SORCS2: variants seen among roughly 807,000 people sequenced by gnomAD.
The protein encoded by SORCS2 is sortilin related VPS10 domain containing receptor 2.
A neutral mutation model predicts 141.6 loss-of-function variants in SORCS2; 100 were observed. The observed-to-expected ratio is 0.71, with a 90% CI of 0.60 to 0.83. The LOEUF (loss-of-function observed/expected upper bound fraction) is 0.83, where lower values mean the gene tolerates loss of function less well. SORCS2 is among the 40% of genes least tolerant of loss of function. The pLI is 0.00. For synonymous variants in SORCS2, 789 were observed against 676.9 expected (o/e 1.17, Z -2.57); for missense variants, 1,646 against 1,560.2 (o/e 1.05, Z -0.93).
At chr4:7,370,226 C>G (rs1052973768) in intron 1 of SORCS2, among the ~76,000 whole-genome samples, 3 of 152,206 alleles carry the variant, frequency 2.0e-5, no homozygotes, top group African/African-American at 7.2e-5. Context: ...CGCTTGGGCT[C>G]CCTGACCTCC....
At chr4:7,423,412 G>A (rs558544363) in intron 2 of SORCS2, among the ~76,000 whole-genome samples, 6 of 152,264 alleles carry the variant, frequency 3.9e-5, no homozygotes, top group African/African-American at 1.4e-4. Context: ...TGGAAAGCAG[G>A]GGCCGGAGGT....
intron 1 of SORCS2, among the ~76,000 whole-genome samples, chr4:7,235,183 G>A (rs1442904187): frequency 1.3e-5 from 2 of 152,208 alleles, no homozygotes; most frequent in Admixed American, 6.5e-5. Flanking sequence ...GGGAGGTGGC[G>A]AGCACACAGC....
At chr4:7,345,050 T>A in intron 1 of SORCS2, among the ~76,000 whole-genome samples, 1 of 152,126 alleles carries the variant, frequency 6.6e-6, no homozygotes, top group Non-Finnish European at 1.5e-5. Flanking sequence ...GTAGGCTGTT[T>A]GCCACAAGTT....
intron 22 of SORCS2, among the ~76,000 whole-genome samples, chr4:7,729,206 G>A (rs1278349302): frequency 6.6e-6 from 1 of 152,198 alleles, no homozygotes; most frequent in Non-Finnish European, 1.5e-5. Context: ...GGCAGCTGGA[G>A]TCAGTGGGGC....
chr4:7,570,308 A>G (rs1231920739), intron 3 of SORCS2, among the ~76,000 whole-genome samples: 1 of 152,190 alleles, frequency 6.6e-6, no homozygotes, highest in Non-Finnish European at 1.5e-5. Flanking sequence ...CTTTGTACTC[A>G]CAGCCTCGAG....
At chr4:7,476,124 C>T (rs1408927170) in intron 2 of SORCS2, among the ~76,000 whole-genome samples, 3 of 152,282 alleles carry the variant, frequency 2.0e-5, no homozygotes, top group Admixed American at 1.3e-4. Flanking sequence ...TGTGCCAGCC[C>T]GTGTGCTCCA....
At chr4:7,581,662 T>A (rs559485797) in intron 3 of SORCS2, among the ~76,000 whole-genome samples, 8 of 152,168 alleles carry the variant, frequency 5.3e-5, no homozygotes, top group Non-Finnish European at 1.0e-4. Flanking sequence ...TCTTGGCTGC[T>A]GTGGGTGCTG....
chr4:7,393,005 C>T (rs1723964605), intron 1 of SORCS2, among the ~76,000 whole-genome samples: 1 of 152,056 alleles, frequency 6.6e-6, no homozygotes, highest in Non-Finnish European at 1.5e-5. Flanking sequence ...CATTTGGTGA[C>T]ATGGCTTTGG....
At position 7,386,756 on chromosome 4, in the gene SORCS2, CAG is replaced by C. The variant is rs1479726615; in HGVS notation, c.481-9528_481-9527del. On this transcript the variant is annotated intron_variant, in intron 1 of 26. Transcript: ENST00000507866. ...ACATATGCACACACATACAGGTACA[CAG>C]AGATACACACATATGCACACATGCA... 3.6e-3 allele frequency among the ~76,000 whole-genome samples: 213 copies of C among 58,582 alleles called. 5 individuals are homozygous for C. The highest frequency in any genetic ancestry group is 0.017 in the African/African-American group (199 of 11,798). 38.4% of individuals were successfully genotyped at this position (58,582 alleles called of 152,430 possible).
intron 2 of SORCS2, among the ~76,000 whole-genome samples, chr4:7,422,958 C>G (rs576038318): frequency 3.0e-4 from 45 of 152,144 alleles, no homozygotes; most frequent in African/African-American, 1.0e-3. Flanking sequence ...CTCTAAAGGC[C>G]CTAGTATGTA....
intron 3 of SORCS2, among the ~76,000 whole-genome samples, chr4:7,543,784 T>TCCATCCATC (rs1553881832): frequency 7.4e-5 from 1 of 13,600 alleles, no homozygotes; most frequent in African/African-American, 1.9e-4. Flanking sequence ...ATCCATCCAC[T>TCCATCCATC]CATCCATCCA....
intron 1 of SORCS2, among the ~76,000 whole-genome samples, chr4:7,348,806 G>A (rs955674710): frequency 1.3e-5 from 2 of 152,206 alleles, no homozygotes; most frequent in African/African-American, 4.8e-5. Flanking sequence ...ACCCACGTCA[G>A]TCTCCCAAAG....
At position 7,565,706 on chromosome 4, in the gene SORCS2, G is replaced by A. The variant is rs114811759; in HGVS notation, c.648+34077G>A. On this transcript the variant is annotated intron_variant, in intron 3 of 26. Transcript: ENST00000507866. ...TGATGGTGATGTTTATGATGATGAC[G>A]GTGGTGATGGTGCTGTGATGGTGAT... is the stretch of plus-strand genomic sequence containing the variant. 4.1e-3 allele frequency among the ~76,000 whole-genome samples: 619 copies of A among 151,286 alleles called. 10 individuals are homozygous for A. The highest frequency in any genetic ancestry group is 0.014 in the African/African-American group (580 of 41,190).
chr4:7,300,933 G>A (rs766691330), intron 1 of SORCS2, among the ~76,000 whole-genome samples: 4 of 152,146 alleles, frequency 2.6e-5, no homozygotes, highest in Non-Finnish European at 5.9e-5. Context: ...TCCTGCCTCC[G>A]TGCCTGGGCA....
intron 1 of SORCS2, among the ~76,000 whole-genome samples, chr4:7,385,231 C>T (rs371494052): frequency 2.0e-5 from 3 of 152,170 alleles, no homozygotes; most frequent in East Asian, 3.8e-4. Context: ...TAATGTGATA[C>T]CCACCCCTCC....
chr4:7,438,337 TG>T (rs1316204353), intron 2 of SORCS2, among the ~76,000 whole-genome samples: 11 of 152,376 alleles, frequency 7.2e-5, no homozygotes, highest in Admixed American at 5.9e-4. Flanking sequence ...TCATGCATCG[TG>T]TGGGGGGCCA....
chr4:7,541,042 C>T (rs558404767), intron 3 of SORCS2, among the ~76,000 whole-genome samples: 2 of 152,356 alleles, frequency 1.3e-5, no homozygotes, highest in South Asian at 4.1e-4. Flanking sequence ...CTGTCTCTTA[C>T]CCTGGACCTG....
intron 1 of SORCS2, among the ~76,000 whole-genome samples, chr4:7,218,415 G>A (rs1281048470): frequency 6.6e-6 from 1 of 152,198 alleles, no homozygotes; most frequent in African/African-American, 2.4e-5. Flanking sequence ...CCTGGAAATT[G>A]CATGAGGATT....
intron 9 of SORCS2, 70 bp from the exon 10 acceptor site, chr4:7,682,673 G>T: frequency 2.7e-6 from 4 of 1,479,186 alleles, no homozygotes; most frequent in Non-Finnish European, 3.7e-6. Context: ...AGGGGCTGGA[G>T]CATGGTGGAT....
Sources: allele counts gnomAD v4.1 joint callset (sites outside exome capture counted in the v4.1 genomes callset), GRCh38; gene constraint gnomAD v4.1.1; transcripts MANE v1.5; gene names NCBI Gene and HGNC (gene_info 2026-07-23, HGNC 2026-07-21).